Variants in DOK6 observed in about 807,000 individuals in gnomAD.
DOK6 encodes downstream of tyrosine kinase 6.
Under a neutral mutation model 44.0 loss-of-function variants are expected in DOK6, and 22 were observed. That is an observed-to-expected ratio of 0.50 (90% confidence interval 0.36 to 0.71). DOK6 has a LOEUF of 0.71. Ranked by LOEUF, DOK6 falls within the 30% of genes least tolerant of loss-of-function variation. The probability of loss-of-function intolerance (pLI) is 0.00; values close to 1 mark genes in which losing one functional copy is unlikely to be tolerated. For missense variants in DOK6, 340 were observed against 416.4 expected (o/e 0.82, Z 1.60); for synonymous variants, 166 against 145.5 (o/e 1.14, Z -1.01).
chr18:69,402,194 G>T (rs1359248577), intron 1 of DOK6, among the ~76,000 whole-genome samples: 7 of 152,068 alleles, frequency 4.6e-5, no homozygotes, highest in South Asian at 2.1e-4. Flanking sequence ...GGCTGACCCC[G>T]GCTGGCTGGT....
intron 2 of DOK6, among the ~76,000 whole-genome samples, 189 bp downstream of exon 2, chr18:69,564,783 G>A (rs1982928723): frequency 6.6e-6 from 1 of 152,124 alleles, no homozygotes; most frequent in South Asian, 2.1e-4. Context: ...CTACCTCTGT[G>A]CAAAACCAAA....
intron 4 of DOK6, among the ~76,000 whole-genome samples, chr18:69,683,681 C>T (rs971793751): frequency 6.6e-6 from 1 of 152,154 alleles, no homozygotes; most frequent in Admixed American, 6.5e-5. Flanking sequence ...GATGGCCCTG[C>T]CAGTACTCTG....
chr18:69,713,705 T>A (rs1986820751), intron 5 of DOK6, among the ~76,000 whole-genome samples: 1 of 152,366 alleles, frequency 6.6e-6, no homozygotes, highest in South Asian at 2.1e-4. Context: ...ACCTTCTTAC[T>A]CTTATATCTG....
At chr18:69,405,921 TCTTTA>T (rs1916198747) in intron 1 of DOK6, among the ~76,000 whole-genome samples, 1 of 152,224 alleles carries the variant, frequency 6.6e-6, no homozygotes, top group African/African-American at 2.4e-5. Context: ...TGTGTTTCAG[TCTTTA>T]CTTGTCTAGA....
intron 7 of DOK6, chr18:69,781,231 G>GT (rs1465683594): frequency 6.6e-6 from 1 of 152,080 alleles, no homozygotes; most frequent in Non-Finnish European, 1.5e-5. Flanking sequence ...AAATAAGAAG[G>GT]TTTTGCCAAA....
intron 1 of DOK6, among the ~76,000 whole-genome samples, chr18:69,560,868 AT>A (rs1291861033): frequency 6.6e-6 from 1 of 152,192 alleles, no homozygotes; most frequent in African/African-American, 2.4e-5. Flanking sequence ...CTGAGCTGGA[AT>A]TCCAAGTCCA....
chr18:69,809,165 A>G (rs1238163635), intron 7 of DOK6, among the ~76,000 whole-genome samples: 1 of 151,856 alleles, frequency 6.6e-6, no homozygotes, highest in African/African-American at 2.4e-5. Context: ...ACATATGCAA[A>G]TGTAACATAC....
chr18:69,475,611 A>C (rs1157376521), intron 1 of DOK6, among the ~76,000 whole-genome samples: 2 of 152,194 alleles, frequency 1.3e-5, no homozygotes, highest in African/African-American at 4.8e-5. Flanking sequence ...TCCTGGAAAC[A>C]AGAAAGCTCT....
intron 1 of DOK6, among the ~76,000 whole-genome samples, chr18:69,515,984 C>A (rs1044151310): frequency 6.6e-6 from 1 of 152,172 alleles, no homozygotes; most frequent in Non-Finnish European, 1.5e-5. Flanking sequence ...GTTTTGATTT[C>A]ACTATTTAGA....
chr18:69,836,691 T>C (rs1169022485), intron 7 of DOK6, among the ~76,000 whole-genome samples: 3 of 152,192 alleles, frequency 2.0e-5, no homozygotes, highest in Non-Finnish European at 2.9e-5. Context: ...TATTTGTCTT[T>C]AGTGGGTGAT....
intron 4 of DOK6, among the ~76,000 whole-genome samples, chr18:69,678,782 T>C (rs1445564087): frequency 6.6e-6 from 1 of 152,172 alleles, no homozygotes; most frequent in East Asian, 1.9e-4. Flanking sequence ...CACCAGATGA[T>C]TGAATAGTGT....
intron 7 of DOK6, 107 bp downstream of exon 7, chr18:69,757,980 C>T (rs962147892): frequency 4.2e-6 from 4 of 960,268 alleles, no homozygotes; most frequent in Non-Finnish European, 6.6e-6. Context: ...CCTCCCATTC[C>T]CATTTATCAG....
intron 3 of DOK6, among the ~76,000 whole-genome samples, chr18:69,619,338 C>T (rs962488031): frequency 2.6e-5 from 4 of 152,208 alleles, no homozygotes; most frequent in African/African-American, 7.2e-5. Context: ...AATAACCAGA[C>T]TGCCATTTCC....
chr18:69,725,210 A>C (rs1385880703), intron 5 of DOK6, among the ~76,000 whole-genome samples: 1 of 152,120 alleles, frequency 6.6e-6, no homozygotes, highest in African/African-American at 2.4e-5. Context: ...TCAGAATCTT[A>C]CTCATTCGGG....
intron 1 of DOK6, among the ~76,000 whole-genome samples, chr18:69,518,673 A>G (rs895870889): frequency 6.6e-6 from 1 of 152,136 alleles, no homozygotes; most frequent in Non-Finnish European, 1.5e-5. Context: ...TAATCTTTTC[A>G]TGGCATTATT....
At chr18:69,676,087 C>A (rs1453330665) in intron 3 of DOK6, among the ~76,000 whole-genome samples, 13 of 152,182 alleles carry the variant, frequency 8.5e-5, no homozygotes, top group Non-Finnish European at 1.5e-4. Flanking sequence ...AGTGAGGGAA[C>A]CAGGCCCTCT....
chr18:69,455,754 G>C (rs1331743511), intron 1 of DOK6, among the ~76,000 whole-genome samples: 2 of 152,096 alleles, frequency 1.3e-5, no homozygotes, highest in Non-Finnish European at 2.9e-5. Flanking sequence ...AATATTGGCA[G>C]TCCTTCTCCT....
chr18:69,818,972 A>AT (rs1981486287), intron 7 of DOK6, among the ~76,000 whole-genome samples: 1 of 152,180 alleles, frequency 6.6e-6, no homozygotes, highest in Non-Finnish European at 1.5e-5. Flanking sequence ...AGTGGAAGAA[A>AT]TTTTTTAAAA....
At chr18:69,496,813 T>C (rs958257639) in intron 1 of DOK6, among the ~76,000 whole-genome samples, 1 of 152,214 alleles carries the variant, frequency 6.6e-6, no homozygotes, top group African/African-American at 2.4e-5. Context: ...TCTTAAAACA[T>C]GAATTATATT....
Sources: allele counts gnomAD v4.1 joint callset (sites outside exome capture counted in the v4.1 genomes callset), GRCh38; gene constraint gnomAD v4.1.1; transcripts MANE v1.5; gene names NCBI Gene and HGNC (gene_info 2026-07-23, HGNC 2026-07-21).